The following ADAMTS12 variants were observed in gnomAD, a reference collection of about 807,000 sequenced individuals.
ADAMTS12 encodes ADAM metallopeptidase with thrombospondin type 1 motif 12.
ADAMTS12 carries 118 observed loss-of-function variants against 167.8 expected under a neutral mutation model. The ratio of observed to expected loss-of-function variants is 0.70; its 90% CI spans 0.61 to 0.82. The LOEUF (loss-of-function observed/expected upper bound fraction) is 0.82. Ranked by LOEUF, ADAMTS12 falls within the 40% of genes least tolerant of loss-of-function variation. ADAMTS12 has a pLI of 0.00. For missense variants in ADAMTS12, 1,916 were observed against 1,998.8 expected (o/e 0.96, Z 0.79); for synonymous variants, 704 against 716.9 (o/e 0.98, Z 0.29).
In ADAMTS12 at chr5:33,683,085, T is replaced by C. The variant is rs147018630; in HGVS notation, c.848A>G (p.His283Arg). ...TIMNMVTGLF[H>R]NPSIGNAIHI... ...AATTGCATTGCCAATGCTTGGGTTATGGAACAACCCAGTGACCTAGGGTCA... is the reference window on the plus strand; with the variant it reads ...AATTGCATTGCCAATGCTTGGGTTACGGAACAACCCAGTGACCTAGGGTCA... The change falls in exon 5 of 24, where the codon CAT (histidine) becomes CGT (arginine). Residue 283 changes from histidine to arginine, a missense_variant. Transcript: ENST00000504830. The C allele has an allele frequency of 3.2e-5, 51 of 1,613,356 alleles. No individual in the cohort carries two copies. In the Middle Eastern group the frequency reaches 9.9e-4, roughly 31 times the overall value.
intron 16 of ADAMTS12, among the ~76,000 whole-genome samples, chr5:33,611,738 C>A (rs1042437152): frequency 6.6e-6 from 1 of 152,064 alleles, no homozygotes; most frequent in African/African-American, 2.4e-5. Flanking sequence ...ATCTTTTCAG[C>A]AAATTAAATG....
At chr5:33,632,218 T>C (rs776069132) in intron 12 of ADAMTS12, among the ~76,000 whole-genome samples, 55 of 152,070 alleles carry the variant, frequency 3.6e-4, no homozygotes, top group Non-Finnish European at 6.8e-4. Context: ...GAGATAAAGA[T>C]GGAGATAGAC....
At chr5:33,702,321 C>T (rs1156684006) in intron 3 of ADAMTS12, among the ~76,000 whole-genome samples, 1 of 152,198 alleles carries the variant, frequency 6.6e-6, no homozygotes. Flanking sequence ...TCTGCTGCAG[C>T]ATTACCTGGT....
chr5:33,778,253 T>A (rs144019798), intron 2 of ADAMTS12, among the ~76,000 whole-genome samples: 1 of 152,108 alleles, frequency 6.6e-6, no homozygotes, highest in African/African-American at 2.4e-5. Flanking sequence ...AAGCAAAACA[T>A]TACCTGATTT....
chr5:33,572,953 T>C lies in ADAMTS12; in HGVS notation c.3972+3101A>G, dbSNP rs1458150377. On this transcript the variant is annotated intron_variant, in intron 19 of 23. Coordinates refer to ENST00000504830, the MANE Select transcript of ADAMTS12 (RefSeq NM_030955.4). ...AATCACAAGCATTCTTATACACCAA[T>C]AACAGACAAACAGAGAGCCAAATCA... 7.1e-4 allele frequency among the ~76,000 whole-genome samples: 104 copies of C among 146,184 alleles called. 1 individual carries two copies. The South Asian group carries it at 0.017, about 24-fold the overall frequency.
At chr5:33,724,545 CTTTTTTTTT>C (rs763501455) in intron 3 of ADAMTS12, among the ~76,000 whole-genome samples, 1 of 132,758 alleles carries the variant, frequency 7.5e-6, no homozygotes, top group African/African-American at 2.8e-5. Flanking sequence ...CTAACAGCTT[CTTTTTTTTT>C]TTTTTTTTTT....
rs538480356 is a variant in ADAMTS12 at position 33,803,437 on chromosome 5, G to T, written c.490-51889C>A. Among the ~76,000 whole-genome samples, 78 of 152,264 alleles carry T rather than the reference G, an allele frequency of 5.1e-4. 2 individuals carry two copies. The South Asian group carries it at 0.015, about 30-fold the overall frequency. On this transcript the variant is annotated intron_variant, in intron 2 of 23. Coordinates refer to ENST00000504830, the MANE Select transcript of ADAMTS12 (RefSeq NM_030955.4). The stretch of plus-strand genomic sequence containing the variant: ...CACTGTTACATGCCTTGAAGTGTGG[G>T]GTGCACTGGCCTGAACCATTCTGGT...
intron 2 of ADAMTS12, among the ~76,000 whole-genome samples, chr5:33,794,387 T>G (rs1746693813): frequency 6.6e-6 from 1 of 152,152 alleles, no homozygotes. Context: ...CGGTCCTCAT[T>G]ACTTCAAGAG....
intron 5 of ADAMTS12, among the ~76,000 whole-genome samples, chr5:33,680,742 A>C (rs1263766923): frequency 6.6e-6 from 1 of 152,202 alleles, no homozygotes; most frequent in Non-Finnish European, 1.5e-5. Context: ...TAATGAGGGG[A>C]TAGGCAAGAT....
At chr5:33,831,670 T>C (rs1748305819) in intron 2 of ADAMTS12, among the ~76,000 whole-genome samples, 1 of 152,250 alleles carries the variant, frequency 6.6e-6, no homozygotes, top group Non-Finnish European at 1.5e-5. Flanking sequence ...TTCACTGTGC[T>C]GCTTAATTAC....
At chr5:33,790,925 C>A (rs1433399355) in intron 2 of ADAMTS12, among the ~76,000 whole-genome samples, 3 of 151,900 alleles carry the variant, frequency 2.0e-5, no homozygotes, top group Non-Finnish European at 2.9e-5. Flanking sequence ...ACAGGAGAAA[C>A]CCCTAATGTC....
At chr5:33,649,105 T>C in intron 8 of ADAMTS12, 139 bp from the exon 9 acceptor site, 1 of 987,714 alleles carries the variant, frequency 1.0e-6, no homozygotes, top group Non-Finnish European at 1.5e-6. Flanking sequence ...GAGAACTCTC[T>C]AGGCCCATCA....
intron 2 of ADAMTS12, among the ~76,000 whole-genome samples, chr5:33,850,456 C>T (rs977261758): frequency 1.3e-5 from 2 of 152,164 alleles, no homozygotes; most frequent in African/African-American, 4.8e-5. Context: ...GCCCCTTTTA[C>T]AATCTCAGAG....
intron 2 of ADAMTS12, chr5:33,880,790 C>CAG: frequency 3.5e-6 from 1 of 282,876 alleles, no homozygotes; most frequent in Non-Finnish European, 6.7e-6. Context: ...GCTGTCCAGC[C>CAG]AGTCAGTTGC....
At chr5:33,662,527 C>T (rs555402296) in intron 5 of ADAMTS12, among the ~76,000 whole-genome samples, 1 of 151,976 alleles carries the variant, frequency 6.6e-6, no homozygotes, top group Non-Finnish European at 1.5e-5. Context: ...GGTTTGACAC[C>T]CATGGGTGAA....
At chr5:33,632,046 C>G in intron 12 of ADAMTS12, among the ~76,000 whole-genome samples, 1 of 152,106 alleles carries the variant, frequency 6.6e-6, no homozygotes, top group East Asian at 1.9e-4. Flanking sequence ...ACAAATGTAA[C>G]CATGAGCAAA....
At chr5:33,872,284 G>A (rs370560048) in intron 2 of ADAMTS12, among the ~76,000 whole-genome samples, 27 of 152,222 alleles carry the variant, frequency 1.8e-4, no homozygotes, top group African/African-American at 6.5e-4. Context: ...GGTGGCTCAC[G>A]CCTGTAATCC....
At chr5:33,647,139 G>C (rs891310910) in intron 9 of ADAMTS12, among the ~76,000 whole-genome samples, 4 of 152,304 alleles carry the variant, frequency 2.6e-5, no homozygotes, top group African/African-American at 7.2e-5. Flanking sequence ...TAGCAGATTA[G>C]AGAGTGAAGG....
chr5:33,791,361 T>G (rs563303812), intron 2 of ADAMTS12, among the ~76,000 whole-genome samples: 68 of 152,336 alleles, frequency 4.5e-4, no homozygotes, highest in South Asian at 8.3e-4. Flanking sequence ...AATCTCCAAC[T>G]GTAAAATAAG....
Sources: allele counts gnomAD v4.1 joint callset (sites outside exome capture counted in the v4.1 genomes callset), GRCh38; gene constraint gnomAD v4.1.1; transcripts MANE v1.5; gene names NCBI Gene and HGNC (gene_info 2026-07-23, HGNC 2026-07-21).